ARNT2: variants seen among roughly 807,000 people sequenced by gnomAD.
ARNT2 encodes the protein aryl hydrocarbon receptor nuclear translocator 2, also known as ARNT protein 2.
ARNT2 carries 36 observed loss-of-function variants against 91.7 expected under a neutral mutation model. That is an observed-to-expected ratio of 0.39 (90% CI 0.30 to 0.52). The LOEUF is 0.52. ARNT2 is among the 20% of genes least tolerant of loss of function. ARNT2 has a pLI of 0.72. For missense variants in ARNT2, 775 were observed against 939.3 expected, an observed-to-expected ratio of 0.83 and a Z score of 2.29; for synonymous variants, 365 against 347.1, an observed-to-expected ratio of 1.05 and a Z score of -0.57.
Position 80,563,732 on chromosome 15 carries a change from C to T in ARNT2, c.1316+493C>T, listed in dbSNP as rs564090791. Among the ~76,000 whole-genome samples the T allele has an allele frequency of 2.0e-4, 31 of 152,260 alleles. 1 individual carries two copies. The highest frequency in any genetic ancestry group is 7.5e-4 in the African/African-American group (31 of 41,550). ...ACACATGATTTCCCTGCTGCCCAGC[C>T]GTGGAAGCATTCCTCCCTGCCCAGG... On this transcript the variant is annotated intron_variant, in intron 12 of 18. Coordinates refer to ENST00000303329, the MANE Select transcript of ARNT2 (RefSeq NM_014862.4).
chr15:80,475,158 A>G lies in ARNT2; in HGVS notation c.557A>G (p.Gln186Arg). The change falls in exon 5 of 19, where the codon CAG becomes CGG. Residue 186 changes from glutamine (Q) to arginine (R), a missense_variant. Gln to Arg is a conservative substitution (Grantham distance 43, BLOSUM62 1). This residue lies in a region of ARNT2 where 285 missense variants were observed against 327.2 expected (regional missense o/e 0.87). Transcript: ENST00000303329. ...SEWFGSTLYE[Q>R]VHPDDVEKLR... Reference sequence around the variant, plus strand: ...TGGTTTGGGAGCACACTGTATGAACAGGTGCATCCTGATGACGTGGAGAAG... The same window carrying G: ...TGGTTTGGGAGCACACTGTATGAACGGGTGCATCCTGATGACGTGGAGAAG... 6.2e-7 allele frequency: 1 copy of G among 1,614,218 alleles called. No individual in the cohort carries two copies. Among genetic ancestry groups the G allele is most frequent in the Non-Finnish European group, 8.5e-7 (1 of 1,180,034 alleles).
chr15:80,455,575 T>C (rs1896470083), intron 2 of ARNT2, among the ~76,000 whole-genome samples: 1 of 152,098 alleles, frequency 6.6e-6, no homozygotes, highest in Non-Finnish European at 1.5e-5. Context: ...AGAACAGAAC[T>C]CTTTGCAAAA....
chr15:80,582,210 A>G (rs547628006), intron 17 of ARNT2, among the ~76,000 whole-genome samples: 8 of 152,182 alleles, frequency 5.3e-5, no homozygotes, highest in Admixed American at 5.2e-4. Context: ...AATTCTGTGC[A>G]GGCAGGGCGC....
chr15:80,423,639 A>G (rs1895892128), intron 1 of ARNT2, among the ~76,000 whole-genome samples: 1 of 152,194 alleles, frequency 6.6e-6, no homozygotes. Flanking sequence ...TAAGATCCAT[A>G]TTAGTAAGTG....
At chr15:80,592,858 A>C (rs1289948372) in intron 18 of ARNT2, among the ~76,000 whole-genome samples, 3 of 152,180 alleles carry the variant, frequency 2.0e-5, no homozygotes, top group Admixed American at 1.3e-4. Context: ...CTTACGAAAA[A>C]CTGGTTAAAC....
chr15:80,457,933 G>A lies in ARNT2; in HGVS notation c.151G>A (p.Asp51Asn). 1 of 1,613,890 alleles carries A rather than the reference G, an allele frequency of 6.2e-7. No homozygotes were observed. Among genetic ancestry groups the A allele is most frequent in the South Asian group, 1.1e-5 (1 of 90,984 alleles). Reference sequence around the variant, plus strand: ...CTTGTGATCTTGACTTTTCAGAATGGACTTCGATGATGAAGATGGTGAAGG... The same window carrying A: ...CTTGTGATCTTGACTTTTCAGAATGAACTTCGATGATGAAGATGGTGAAGG... ...ARGGKRRSGM[D>N]FDDEDGEGPS... is the part of the protein sequence containing the mutation. Residue 51 changes from aspartate (D) to asparagine (N), a missense_variant, in exon 3 of 19, where the codon GAC becomes AAC. By Grantham distance (23) the Asp-to-Asn change is conservative. This residue lies in a region of ARNT2 where 79 missense variants were observed against 83.8 expected (regional missense o/e 0.94). Transcript: ENST00000303329.
At chr15:80,499,674 G>A (rs1041028178) in intron 5 of ARNT2, among the ~76,000 whole-genome samples, 3 of 152,200 alleles carry the variant, frequency 2.0e-5, no homozygotes, top group Admixed American at 6.5e-5. Flanking sequence ...GATTGGCCTG[G>A]TTGGATTCTA....
At position 80,513,340 on chromosome 15, in the gene ARNT2, T is replaced by A. The variant is rs181890924; in HGVS notation, c.726-571T>A. ...TCACAGAAAGACCGGATTCTCTACCTGTTTATCTCTCATCCCCACGCTCTC... is the reference window on the plus strand; with the variant it reads ...TCACAGAAAGACCGGATTCTCTACCAGTTTATCTCTCATCCCCACGCTCTC... On this transcript the variant is annotated intron_variant, in intron 6 of 18. Coordinates refer to ENST00000303329, the MANE Select transcript of ARNT2 (RefSeq NM_014862.4). Among the ~76,000 whole-genome samples, 4 of 152,314 alleles carry A rather than the reference T, an allele frequency of 2.6e-5. No individual in the cohort carries two copies. In the East Asian group the frequency reaches 7.7e-4, roughly 29 times the overall value.
chr15:80,407,061 T>C (rs1895611131), intron 1 of ARNT2, among the ~76,000 whole-genome samples: 1 of 152,194 alleles, frequency 6.6e-6, no homozygotes, highest in Admixed American at 6.5e-5. Context: ...CTTGTGAGAC[T>C]TCTTTGAATT....
chr15:80,547,279 G>A (rs1898004991), intron 8 of ARNT2, among the ~76,000 whole-genome samples: 1 of 152,140 alleles, frequency 6.6e-6, no homozygotes, highest in African/African-American at 2.4e-5. Context: ...TCAAAGCAGT[G>A]ATACCAAGCT....
chr15:80,571,415 A>G (rs1898581394), intron 12 of ARNT2, among the ~76,000 whole-genome samples: 1 of 152,184 alleles, frequency 6.6e-6, no homozygotes, highest in African/African-American at 2.4e-5. Flanking sequence ...GAGAAAATCT[A>G]GTCTTGCTCA....
At chr15:80,410,041 A>G (rs1309496734) in intron 1 of ARNT2, among the ~76,000 whole-genome samples, 1 of 152,194 alleles carries the variant, frequency 6.6e-6, no homozygotes, top group Admixed American at 6.5e-5. Context: ...GGGTTTGAGC[A>G]AGGGGCATGA....
chr15:80,465,003 C>G (rs951675541), intron 3 of ARNT2, among the ~76,000 whole-genome samples: 1 of 152,224 alleles, frequency 6.6e-6, no homozygotes, highest in Admixed American at 6.5e-5. Context: ...TCTCTTCCTA[C>G]AGTTCTGACT....
chr15:80,526,485 T>C (rs1897642401), intron 8 of ARNT2, among the ~76,000 whole-genome samples: 1 of 152,220 alleles, frequency 6.6e-6, no homozygotes, highest in South Asian at 2.1e-4. Flanking sequence ...CTAGTAACCA[T>C]CGTCCGACCT....
At chr15:80,417,020 A>T (rs1895795346) in intron 1 of ARNT2, among the ~76,000 whole-genome samples, 2 of 152,194 alleles carry the variant, frequency 1.3e-5, no homozygotes, top group African/African-American at 4.8e-5. Context: ...TTTAAAAAAA[A>T]ATTGTAACAT....
intron 1 of ARNT2, among the ~76,000 whole-genome samples, chr15:80,431,164 A>G (rs1200985031): frequency 2.0e-5 from 3 of 151,996 alleles, no homozygotes; most frequent in Non-Finnish European, 2.9e-5. Flanking sequence ...CAAAACCAGA[A>G]TCCTGAACCT....
At chr15:80,484,958 G>A (rs566115084) in intron 5 of ARNT2, among the ~76,000 whole-genome samples, 7 of 152,198 alleles carry the variant, frequency 4.6e-5, no homozygotes, top group African/African-American at 9.6e-5. Context: ...CAGTTTTCTC[G>A]CTTGTAAATG....
At chr15:80,441,820 G>A (rs1188482963) in intron 1 of ARNT2, among the ~76,000 whole-genome samples, 2 of 152,210 alleles carry the variant, frequency 1.3e-5, no homozygotes, top group Non-Finnish European at 2.9e-5. Context: ...AGCCAGATAT[G>A]TTTTCTGTGT....
chr15:80,536,228 CAG>C (rs1897821169), intron 8 of ARNT2, among the ~76,000 whole-genome samples: 1 of 152,212 alleles, frequency 6.6e-6, no homozygotes, highest in African/African-American at 2.4e-5. Context: ...TCCTGTGAGA[CAG>C]GGGTGCCCGA....
Sources: gnomAD v4.1 joint callset for allele counts (sites outside exome capture counted in the v4.1 genomes callset) on GRCh38, gnomAD v4.1.1 for gene constraint, gnomAD v4.1.1 regional missense constraint, MANE v1.5 for transcripts, NCBI Gene and HGNC (gene_info 2026-07-23, HGNC 2026-07-21) for gene names.